The following SRL variants were observed in gnomAD, a reference collection of about 807,000 sequenced individuals.
SRL encodes the protein sarcalumenin.
Under a neutral mutation model 39.5 loss-of-function variants are expected in SRL, and 23 were observed. That is an observed-to-expected ratio of 0.58 (90% confidence interval 0.42 to 0.82). The LOEUF is 0.82. Among genes scored for constraint, SRL ranks in the 40% least tolerant of loss-of-function variants. The pLI is 0.00. For synonymous variants in SRL, 272 were observed against 237.4 expected (o/e 1.15, Z -1.34); for missense variants, 592 against 607.8 (o/e 0.97, Z 0.27).
intron 1 of SRL, among the ~76,000 whole-genome samples, chr16:4,230,603 G>A (rs1437416598): frequency 6.6e-6 from 1 of 151,392 alleles, no homozygotes; most frequent in Non-Finnish European, 1.5e-5. Flanking sequence ...TGGCCAGGCT[G>A]GTCTTGAACT....
intron 1 of SRL, among the ~76,000 whole-genome samples, chr16:4,213,413 T>C (rs958406325): frequency 5.7e-4 from 73 of 127,096 alleles, no homozygotes; most frequent in Admixed American, 3.8e-4. Flanking sequence ...TCTTTTTTTT[T>C]TTTTTTTTTT....
intron 1 of SRL, among the ~76,000 whole-genome samples, chr16:4,212,337 C>T (rs58192144): frequency 6.6e-6 from 1 of 152,100 alleles, no homozygotes; most frequent in Non-Finnish European, 1.5e-5. Context: ...CCAGAGCTCA[C>T]TCCCCAGGAA....
At chr16:4,227,049 TG>T (rs1567188214) in intron 1 of SRL, among the ~76,000 whole-genome samples, 5 of 124,840 alleles carry the variant, frequency 4.0e-5, no homozygotes, top group African/African-American at 1.5e-4. Flanking sequence ...GATGGATGGA[TG>T]AATGGATGGA....
chr16:4,217,757 T>C (rs1205789020), intron 1 of SRL, among the ~76,000 whole-genome samples: 2 of 152,260 alleles, frequency 1.3e-5, no homozygotes, highest in Non-Finnish European at 2.9e-5. Flanking sequence ...ATGAGCATCA[T>C]TCTTTCCTAG....
In SRL at chr16:4,191,855, A is replaced by C; in HGVS notation, c.*298T>G. The C allele has an allele frequency of 3.0e-6, 1 of 338,582 alleles. No individual in the cohort carries two copies. Among genetic ancestry groups the C allele is most frequent in the Non-Finnish European group, 5.4e-6 (1 of 186,662 alleles). The allele number at this position is 338,582 out of a possible 1,614,324, so 21.0% of individuals were successfully genotyped here. ...GACCCTCACTGATTTAAGATACACT[A>C]GAATTTAGCTGCTCTCTGTCCTTCC... On this transcript the variant is annotated 3_prime_UTR_variant, in exon 6 of 6. Coordinates refer to ENST00000399609, the MANE Select transcript of SRL (RefSeq NM_001098814.2).
rs369197092 is a variant in SRL, at chr16:4,204,602, A to G, written c.94T>C (p.Leu32=). 11 of 1,613,970 alleles carry G rather than the reference A, an allele frequency of 6.8e-6. No homozygotes were observed. Among genetic ancestry groups the G allele is most frequent in the Middle Eastern group, 1.6e-4 (1 of 6,084 alleles). The change falls in exon 2 of 6, where the codon TTG becomes CTG. Residue 32 remains leucine, a synonymous_variant. Transcript: ENST00000399609. The stretch of plus-strand genomic sequence containing the variant: ...TTCTCGATGTGGGAGCGGTCCCTCA[A>G]TGGGGCTTCTTCATTTGCATCCTCC... ...ETEDANEEAP[L]RDRSHIEKTL...
intron 1 of SRL, among the ~76,000 whole-genome samples, chr16:4,210,486 CTTTTT>C (rs555999418): frequency 6.7e-5 from 7 of 104,006 alleles, no homozygotes; most frequent in Admixed American, 2.2e-4. Flanking sequence ...TTACTCATAT[CTTTTT>C]TTTTTTTTTT....
Position 4,190,232 on chromosome 16 carries a change from G to C in SRL, c.*1921C>G, listed in dbSNP as rs2052044890. On this transcript the variant is annotated 3_prime_UTR_variant, in exon 6 of 6. Coordinates refer to ENST00000399609, the MANE Select transcript of SRL (RefSeq NM_001098814.2). ...TGAGAACCGGGAATTCCTAACTCGA[G>C]GTTCTCCTCATAGACCTAACCTGAC... 7.5e-6 allele frequency: 3 copies of C among 398,588 alleles called. No individual in the cohort carries two copies. The highest frequency in any genetic ancestry group is 8.8e-6 in the Non-Finnish European group (2 of 226,208). The allele number at this position is 398,588 out of a possible 1,614,324, so 24.7% of individuals were successfully genotyped here. A position where few individuals can be genotyped will look rare whatever the true frequency, so the allele number is the denominator to read the frequency against.
At chr16:4,193,053 T>A in intron 5 of SRL, 89 bp from the exon 6 acceptor site, 1 of 1,167,284 alleles carries the variant, frequency 8.6e-7, no homozygotes, top group Non-Finnish European at 1.2e-6. Context: ...TTCTGGGGGT[T>A]GAAAGAAGGA....
chr16:4,223,281 G>C (rs1206173289), intron 1 of SRL, among the ~76,000 whole-genome samples: 2 of 149,398 alleles, frequency 1.3e-5, no homozygotes, highest in African/African-American at 2.5e-5. Context: ...TTTGGGGCTC[G>C]ATGATTGAAA....
intron 1 of SRL, among the ~76,000 whole-genome samples, chr16:4,235,498 C>T (rs2052705152): frequency 6.6e-6 from 1 of 152,112 alleles, no homozygotes; most frequent in Admixed American, 6.6e-5. Context: ...GAGTTTGAGA[C>T]CAGCCTGAGC....
At chr16:4,230,810 A>G (rs2052653003) in intron 1 of SRL, among the ~76,000 whole-genome samples, 1 of 152,202 alleles carries the variant, frequency 6.6e-6, no homozygotes, top group Non-Finnish European at 1.5e-5. Context: ...AGGAGAGGAC[A>G]CAGGGACACA....
rs753646624 is a variant in SRL, at chr16:4,203,194, G to A, written c.231C>T (p.Tyr77=). ...SIKPLEQSYK[Y]NELRQHEITD... ...TGATCTCATGCTGCCGGAGCTCATT[G>A]TACTTGTAGGACTGCTCCAGAGGCT... The change falls in exon 3 of 6, where the codon TAC becomes TAT. Residue 77 remains tyrosine, a synonymous_variant. Transcript: ENST00000399609. 1.2e-6 allele frequency: 2 copies of A among 1,614,052 alleles called. No homozygotes were observed. The highest frequency in any genetic ancestry group is 1.7e-6 in the Non-Finnish European group (2 of 1,180,018).
intron 1 of SRL, among the ~76,000 whole-genome samples, chr16:4,211,799 GTGA>G (rs1374501942): frequency 2.0e-5 from 3 of 151,594 alleles, no homozygotes; most frequent in South Asian, 2.1e-4. Context: ...GATGAGGATC[GTGA>G]TGATGATGAT....
At position 4,190,214 on chromosome 16, in the gene SRL, C is replaced by A; in HGVS notation, c.*1939G>T. 1 of 398,528 alleles carries A rather than the reference C, an allele frequency of 2.5e-6. No homozygotes were observed. Among genetic ancestry groups the A allele is most frequent in the South Asian group, 1.3e-4 (1 of 7,698 alleles). The allele number at this position is 398,528 out of a possible 1,614,324, so 24.7% of individuals were successfully genotyped here. On this transcript the variant is annotated 3_prime_UTR_variant, in exon 6 of 6. Transcript: ENST00000399609. ...CCAGAGTGATAACAATTCTGAGAAC[C>A]GGGAATTCCTAACTCGAGGTTCTCC...
chr16:4,234,376 T>A (rs1248206558), intron 1 of SRL, among the ~76,000 whole-genome samples: 1 of 152,196 alleles, frequency 6.6e-6, no homozygotes, highest in Non-Finnish European at 1.5e-5. Flanking sequence ...TTCCCTGAGA[T>A]GGGGTGGCTC....
In SRL at chr16:4,215,899, G is replaced by A. The variant is rs1280676567; in HGVS notation, c.62-11265C>T. ...AAAAATTTTAAAATTAGCTTGGCATGGTAGCGTGCGCCTGTGGTCCCAGCT... is the reference window on the plus strand; with the variant it reads ...AAAAATTTTAAAATTAGCTTGGCATAGTAGCGTGCGCCTGTGGTCCCAGCT... On this transcript the variant is annotated intron_variant, in intron 1 of 5. Transcript: ENST00000399609. 5.3e-5 allele frequency among the ~76,000 whole-genome samples: 8 copies of A among 152,262 alleles called. No individual in the cohort carries two copies. The East Asian group carries it at 1.5e-3, about 29-fold the overall frequency.
chr16:4,240,265 G>A (rs183731562), intron 1 of SRL, among the ~76,000 whole-genome samples: 2 of 152,324 alleles, frequency 1.3e-5, no homozygotes, highest in Admixed American at 1.3e-4. Flanking sequence ...TGACCTTTGG[G>A]TGGGGTGGTA....
At chr16:4,214,943 T>G (rs563074481) in intron 1 of SRL, among the ~76,000 whole-genome samples, 1 of 152,120 alleles carries the variant, frequency 6.6e-6, no homozygotes, top group East Asian at 1.9e-4. Context: ...AATTTTTGTA[T>G]TTTTAGTAGA....
Sources: gnomAD v4.1 joint callset for allele counts (sites outside exome capture counted in the v4.1 genomes callset) on GRCh38, gnomAD v4.1.1 for gene constraint, MANE v1.5 for transcripts, NCBI Gene and HGNC (gene_info 2026-07-23, HGNC 2026-07-21) for gene names.